Variants in TCF7L2 observed in about 807,000 individuals in gnomAD.
TCF7L2 encodes transcription factor 7-like 2.
Under a neutral mutation model 77.9 loss-of-function variants are expected in TCF7L2, and 23 were observed. The ratio of observed to expected loss-of-function variants is 0.30; its 90% CI spans 0.21 to 0.42. The LOEUF is 0.42. TCF7L2 is among the 10% of genes least tolerant of loss of function. The pLI, the probability that TCF7L2 is intolerant of heterozygous loss-of-function variation, is 1.00. For synonymous variants in TCF7L2, 413 were observed against 340.2 expected (o/e 1.21, Z -2.36); for missense variants, 654 against 793.1 (o/e 0.82, Z 2.11).
intron 5 of TCF7L2, among the ~76,000 whole-genome samples, chr10:113,108,414 G>A (rs914172190): frequency 6.6e-6 from 1 of 151,892 alleles, no homozygotes; most frequent in Non-Finnish European, 1.5e-5. Context: ...TGGGGCAATC[G>A]CTCATGGTGG....
At chr10:112,970,844 GC>G (rs2038085173) in intron 4 of TCF7L2, among the ~76,000 whole-genome samples, 1 of 152,174 alleles carries the variant, frequency 6.6e-6, no homozygotes. Flanking sequence ...AACAGGTTCA[GC>G]CCTTGGTGCA....
intron 4 of TCF7L2, among the ~76,000 whole-genome samples, chr10:112,972,067 G>A (rs373968159): frequency 5.9e-5 from 9 of 152,184 alleles, no homozygotes; most frequent in African/African-American, 2.2e-4. Flanking sequence ...TTTTTAATCA[G>A]GGTTGTGATT....
chr10:112,994,934 T>C (rs1449401662), intron 4 of TCF7L2, among the ~76,000 whole-genome samples: 1 of 152,100 alleles, frequency 6.6e-6, no homozygotes, highest in African/African-American at 2.4e-5. Context: ...ACCCCATCTC[T>C]ACTAAAAATA....
At chr10:113,100,967 C>T (rs1044400112) in intron 5 of TCF7L2, among the ~76,000 whole-genome samples, 7 of 151,782 alleles carry the variant, frequency 4.6e-5, no homozygotes, top group South Asian at 2.1e-4. Flanking sequence ...CCCAGCTACT[C>T]GGGAGGCTGA....
At chr10:113,082,279 C>G (rs1038438178) in intron 5 of TCF7L2, among the ~76,000 whole-genome samples, 1 of 151,954 alleles carries the variant, frequency 6.6e-6, no homozygotes, top group Non-Finnish European at 1.5e-5. Context: ...TAAAAAGTGT[C>G]TCCTTTATTC....
intron 4 of TCF7L2, among the ~76,000 whole-genome samples, chr10:113,011,266 A>T (rs2046401753): frequency 6.6e-6 from 1 of 152,206 alleles, no homozygotes; most frequent in South Asian, 2.1e-4. Context: ...AATCAGCATG[A>T]ACAAAAGCAC....
intron 13 of TCF7L2, among the ~76,000 whole-genome samples, chr10:113,164,962 G>C (rs541026680): frequency 7.2e-5 from 11 of 152,086 alleles, no homozygotes; most frequent in African/African-American, 2.7e-4. Flanking sequence ...GCTGCCTTCA[G>C]CTATGTGGGC....
intron 4 of TCF7L2, among the ~76,000 whole-genome samples, chr10:113,026,955 T>C (rs532731851): frequency 6.6e-6 from 1 of 152,346 alleles, no homozygotes; most frequent in South Asian, 2.1e-4. Context: ...TCATTATTGC[T>C]CTTTCCCAAG....
At chr10:113,164,752 T>C (rs1473915050) in intron 13 of TCF7L2, among the ~76,000 whole-genome samples, 1 of 151,162 alleles carries the variant, frequency 6.6e-6, no homozygotes, top group Non-Finnish European at 1.5e-5. Flanking sequence ...TTTTGGTGGT[T>C]TCTTTTTTTT....
chr10:113,117,461 T>A (rs2064000523), intron 5 of TCF7L2, among the ~76,000 whole-genome samples: 4 of 111,890 alleles, frequency 3.6e-5, no homozygotes, highest in Admixed American at 2.4e-4. Flanking sequence ...CTCTCTCTTC[T>A]CCCCCCAACA....
chr10:112,989,679 T>A (rs1476547325), intron 4 of TCF7L2, among the ~76,000 whole-genome samples: 1 of 152,182 alleles, frequency 6.6e-6, no homozygotes, highest in East Asian at 1.9e-4. Flanking sequence ...ATGGCAGTCC[T>A]TGCTTGCTGT....
chr10:113,072,776 G>A (rs1008382870), intron 5 of TCF7L2, among the ~76,000 whole-genome samples: 1 of 152,184 alleles, frequency 6.6e-6, no homozygotes, highest in Non-Finnish European at 1.5e-5. Context: ...GACTCGGGCT[G>A]TTGTGTATTG....
chr10:113,078,293 C>T (rs1267556930), intron 5 of TCF7L2, among the ~76,000 whole-genome samples: 2 of 152,164 alleles, frequency 1.3e-5, no homozygotes, highest in African/African-American at 4.8e-5. Flanking sequence ...CCTCAGCACA[C>T]TACCTGGAAC....
At chr10:112,958,225 G>A (rs2034191507) in intron 3 of TCF7L2, among the ~76,000 whole-genome samples, 1 of 152,120 alleles carries the variant, frequency 6.6e-6, no homozygotes, top group Non-Finnish European at 1.5e-5. Flanking sequence ...TTGTCATGCA[G>A]TAGCCCCAAC....
chr10:113,074,903 C>T (rs2058520630), intron 5 of TCF7L2, among the ~76,000 whole-genome samples: 1 of 152,204 alleles, frequency 6.6e-6, no homozygotes, highest in Non-Finnish European at 1.5e-5. Flanking sequence ...ACCCCTCACC[C>T]TCCCAAAGAA....
chr10:112,994,095 T>A lies in TCF7L2; in HGVS notation c.450+29471T>A, dbSNP rs143100929. ...GAAAGTAGCAGCTCTACTGAGATAT[T>A]TAGAAACCATAAAATCCACCTATTT... is the stretch of plus-strand genomic sequence containing the variant. On this transcript the variant is annotated intron_variant, in intron 4 of 13. Coordinates refer to ENST00000627217, the MANE Select transcript of TCF7L2 (RefSeq NM_001146274.2). 2.5e-3 allele frequency among the ~76,000 whole-genome samples: 382 copies of A among 152,114 alleles called. 6 individuals carry two copies. The highest frequency in any genetic ancestry group is 9.0e-3 in the African/African-American group (374 of 41,484).
Position 113,165,681 on chromosome 10 carries a change from C to T in TCF7L2, c.1518C>T (p.Asp506=), listed in dbSNP as rs372584799. 31 of 1,610,450 alleles carry T rather than the reference C, an allele frequency of 1.9e-5. No individual in the cohort carries two copies. The highest frequency in any genetic ancestry group is 2.3e-5 in the Non-Finnish European group (27 of 1,178,548). The change falls in exon 14 of 14, where the codon GAC becomes GAT. Residue 506 remains aspartate (D), a synonymous_variant. Transcript: ENST00000627217. ...ACCTGCTAGGCTCCCCTCCCCGAGA[C>T]GCCAAGTCACAGACTGAGCAGACCC...
intron 5 of TCF7L2, among the ~76,000 whole-genome samples, chr10:113,053,315 A>G (rs1199483684): frequency 6.6e-6 from 1 of 152,138 alleles, no homozygotes; most frequent in African/African-American, 2.4e-5. Context: ...GGGCTTGGCT[A>G]AGTGCTGTGG....
chr10:113,165,490 T>C, intron 13 of TCF7L2, 65 bp from the exon 15 acceptor site: 1 of 1,549,660 alleles, frequency 6.5e-7, no homozygotes. Flanking sequence ...GTGTGAGCAT[T>C]AGGTAACTCT....
Sources: allele counts gnomAD v4.1 joint callset (sites outside exome capture counted in the v4.1 genomes callset), GRCh38; gene constraint gnomAD v4.1.1; transcripts MANE v1.5; gene names NCBI Gene and HGNC (gene_info 2026-07-23, HGNC 2026-07-21).